The following ARHGAP32 variants were observed in gnomAD, a reference collection of about 807,000 sequenced individuals.
ARHGAP32 encodes the protein Rho GTPase activating protein 32.
A neutral mutation model predicts 186.5 loss-of-function variants in ARHGAP32; 51 were observed. That is an observed-to-expected ratio of 0.27 (90% confidence interval 0.22 to 0.35). The LOEUF is 0.35. ARHGAP32 is among the 10% of genes least tolerant of loss of function. The pLI, the probability that ARHGAP32 is intolerant of heterozygous loss-of-function variation, is 1.00. For synonymous variants in ARHGAP32, 950 were observed against 964.3 expected (o/e 0.99, Z 0.27); for missense variants, 2,186 against 2,623.5 (o/e 0.83, Z 3.64).
At position 128,970,762 on chromosome 11, in the gene ARHGAP32, T is replaced by A; in HGVS notation, c.4451A>T (p.Lys1484Ile). The A allele has an allele frequency of 6.2e-7, 1 of 1,614,138 alleles. No individual in the cohort carries two copies. Among genetic ancestry groups the A allele is most frequent in the Non-Finnish European group, 8.5e-7 (1 of 1,180,016 alleles). ...CCTAGCAAAGGAGGAGTAAACTGTT[T>A]TCTGAGAAGCATGCTTAGGTTGTGG... is the stretch of plus-strand genomic sequence containing the variant. ...PVPQPKHASQ[K>I]TVYSSFARPD... The change falls in exon 23 of 23, where the codon AAA (lysine) becomes ATA (isoleucine). Residue 1484 changes from lysine (K) to isoleucine (I), a missense_variant. Physicochemically the swap from Lys to Ile is moderately radical, Grantham distance 102. Coordinates refer to ENST00000682385, the MANE Select transcript of ARHGAP32 (RefSeq NM_001378024.1). This position sits in a 1 kb window ranked among gnomAD's most constrained non-coding sequence, Gnocchi z 5.8.
chr11:129,172,907 A>C (rs1417686131), intron 1 of ARHGAP32, among the ~76,000 whole-genome samples: 1 of 152,050 alleles, frequency 6.6e-6, no homozygotes, highest in African/African-American at 2.4e-5. Context: ...GAGCAAACTA[A>C]TCCAAAAGCT....
At chr11:129,252,473 CA>C (rs1159743523) in intron 1 of ARHGAP32, among the ~76,000 whole-genome samples, 1 of 152,146 alleles carries the variant, frequency 6.6e-6, no homozygotes, top group Non-Finnish European at 1.5e-5. Context: ...AAATATTGAT[CA>C]CCATTAAGAA....
At chr11:129,019,043 C>T (rs1938484195) in intron 11 of ARHGAP32, among the ~76,000 whole-genome samples, 1 of 152,026 alleles carries the variant, frequency 6.6e-6, no homozygotes, top group African/African-American at 2.4e-5. Context: ...TCATTCAAAT[C>T]AGAGTAAAGG....
At position 128,995,239 on chromosome 11, in the gene ARHGAP32, C is replaced by T. The variant is rs1946165855; in HGVS notation, c.1195+3080G>A. 2.6e-5 allele frequency among the ~76,000 whole-genome samples: 4 copies of T among 152,186 alleles called. No homozygotes were observed. In the South Asian group the frequency reaches 8.3e-4, roughly 32 times the overall value. On this transcript the variant is annotated intron_variant, in intron 12 of 22. Transcript: ENST00000682385. ...TTATTTATTTAGAGACAGGGTTTTG[C>T]CTTGTTGCCCAGGCTGGAATGCAGT...
chr11:129,080,241 G>A (rs566122963), intron 6 of ARHGAP32, among the ~76,000 whole-genome samples: 15 of 152,180 alleles, frequency 9.9e-5, no homozygotes, highest in Non-Finnish European at 1.8e-4. Context: ...CTATACCCTA[G>A]AACAAATGGA....
At chr11:129,274,013 G>A (rs563481401) in intron 1 of ARHGAP32, among the ~76,000 whole-genome samples, 110 of 52,082 alleles carry the variant, frequency 2.1e-3, no homozygotes, top group African/African-American at 0.012. Context: ...ATACATAGCC[G>A]GAAGCAAAAA....
chr11:129,199,663 G>A (rs549194001), intron 1 of ARHGAP32, among the ~76,000 whole-genome samples: 13 of 152,350 alleles, frequency 8.5e-5, no homozygotes, highest in African/African-American at 2.2e-4. Flanking sequence ...CTGCAGGGGC[G>A]GGGCCCTCCT....
chr11:129,151,883 T>G (rs1943295711), intron 2 of ARHGAP32, among the ~76,000 whole-genome samples: 1 of 151,790 alleles, frequency 6.6e-6, no homozygotes, highest in African/African-American at 2.4e-5. Flanking sequence ...CTGAACTAAA[T>G]GAAGTGGAAA....
chr11:129,264,630 CA>C (rs1471361356), intron 1 of ARHGAP32, among the ~76,000 whole-genome samples: 2 of 152,214 alleles, frequency 1.3e-5, no homozygotes, highest in South Asian at 4.1e-4. Flanking sequence ...GAAGCTCAAG[CA>C]AGAGAGTTGA....
At chr11:128,986,810 TA>T (rs773071212) in intron 13 of ARHGAP32, 142 bp from the exon 14 acceptor site, 8 of 780,668 alleles carry the variant, frequency 1.0e-5, no homozygotes, top group Middle Eastern at 3.5e-4. Context: ...ATATTTCATT[TA>T]AGTTGTGTTT....
At chr11:129,149,490 G>A (rs185623295) in intron 2 of ARHGAP32, among the ~76,000 whole-genome samples, 28 of 152,272 alleles carry the variant, frequency 1.8e-4, no homozygotes, top group African/African-American at 2.9e-4. Context: ...TAGCACCAGC[G>A]CAGAGCCTGG....
intron 1 of ARHGAP32, among the ~76,000 whole-genome samples, chr11:129,187,570 G>T (rs139761519): frequency 5.3e-5 from 8 of 152,140 alleles, no homozygotes; most frequent in African/African-American, 1.9e-4. Context: ...TGAGGGGATG[G>T]ATATCCCATC....
In ARHGAP32 at chr11:128,969,239, C is replaced by A. The variant is rs368720856; in HGVS notation, c.5974G>T (p.Val1992Phe). The change falls in exon 23 of 23, where the codon GTC (valine) becomes TTC (phenylalanine). Residue 1992 changes from valine to phenylalanine, a missense_variant. Physicochemically the swap from Val to Phe is conservative, Grantham distance 50. This residue lies in a region of ARHGAP32 where 1,502 missense variants were observed against 1,570.0 expected (regional missense o/e 0.96). Transcript: ENST00000682385. This position sits in a 1 kb window ranked among gnomAD's most constrained non-coding sequence, Gnocchi z 4.8. ...KEEEHLTQSI[V>F]PPPKPERSHS... ...CTCCTCTCTGGTTTAGGGGGTGGGA[C>A]GATTGACTGAGTGAGGTGTTCTTCC... 26 of 1,613,900 alleles carry A rather than the reference C, an allele frequency of 1.6e-5. No homozygotes were observed. Among genetic ancestry groups the A allele is most frequent in the Non-Finnish European group, 2.2e-5 (26 of 1,179,952 alleles).
At chr11:129,195,043 C>T (rs1944375333), upstream of ARHGAP32, among the ~76,000 whole-genome samples, 3 of 151,240 alleles carry the variant, frequency 2.0e-5, no homozygotes, top group Non-Finnish European at 4.4e-5. Context: ...GATCTCGACT[C>T]ACTGCAACCT....
chr11:128,974,588 G>T lies in ARHGAP32; in HGVS notation c.2609C>A (p.Ser870Tyr). 8.7e-6 allele frequency: 14 copies of T among 1,614,210 alleles called. No homozygotes were observed. The highest frequency in any genetic ancestry group is 1.2e-5 in the Non-Finnish European group (14 of 1,180,020). Residue 870 changes from serine to tyrosine, a missense_variant, in exon 21 of 23, where the codon TCT (serine) becomes TAT (tyrosine). By Grantham distance (144) the Ser-to-Tyr change is moderately radical. Around this residue, in one of 5 missense-constraint regions of ARHGAP32, gnomAD observed 1,502 missense variants for 1,570.0 expected, o/e 0.96. Coordinates refer to ENST00000682385, the MANE Select transcript of ARHGAP32 (RefSeq NM_001378024.1). ...TGGACTCAGTTTCTCCTGAAGAGGAGAGACAGGTTCAGAGCTTGCTGTGCT... is the reference window on the plus strand; with the variant it reads ...TGGACTCAGTTTCTCCTGAAGAGGATAGACAGGTTCAGAGCTTGCTGTGCT... ...PGSTASSEPV[S>Y]PLQEKLSPFF...
intron 2 of ARHGAP32, among the ~76,000 whole-genome samples, chr11:129,148,321 A>C (rs1353948589): frequency 6.6e-6 from 1 of 152,260 alleles, no homozygotes; most frequent in East Asian, 1.9e-4. Flanking sequence ...CCTGCCTCTG[A>C]ACACACAACC....
intron 6 of ARHGAP32, among the ~76,000 whole-genome samples, chr11:129,077,514 G>A (rs867573323): frequency 1.4e-4 from 22 of 152,064 alleles, no homozygotes; most frequent in Admixed American, 8.5e-4. Flanking sequence ...GATGAAACCC[G>A]TCACTGCCAA....
At chr11:129,015,495 C>G (rs545353890) in intron 11 of ARHGAP32, among the ~76,000 whole-genome samples, 4 of 152,158 alleles carry the variant, frequency 2.6e-5, no homozygotes, top group South Asian at 4.1e-4. Flanking sequence ...GATTATTTTC[C>G]CTTAAGTATA....
intron 11 of ARHGAP32, among the ~76,000 whole-genome samples, chr11:129,004,245 C>CTTTTTTT (rs71057919): frequency 8.6e-6 from 1 of 116,382 alleles, no homozygotes; most frequent in Non-Finnish European, 1.7e-5. Flanking sequence ...CAATGCTTTC[C>CTTTTTTT]TTTTTTTTTT....
Sources: allele counts gnomAD v4.1 joint callset (sites outside exome capture counted in the v4.1 genomes callset), GRCh38; gene constraint gnomAD v4.1.1; regional missense constraint gnomAD v4.1.1; non-coding constraint Gnocchi (gnomAD v3.1); transcripts MANE v1.5; gene names NCBI Gene and HGNC (gene_info 2026-07-23, HGNC 2026-07-21).